The following FOXP1 variants were observed in gnomAD, a reference collection of about 807,000 sequenced individuals.
FOXP1 encodes forkhead box P1.
Under a neutral mutation model 98.2 loss-of-function variants are expected in FOXP1, and 15 were observed. That is an observed-to-expected ratio of 0.15 (90% CI 0.10 to 0.24). The LOEUF (loss-of-function observed/expected upper bound fraction) is 0.24, where lower values mean the gene tolerates loss of function less well. FOXP1 is among the 10% of genes least tolerant of loss of function. The pLI, the probability that FOXP1 is intolerant of heterozygous loss-of-function variation, is 1.00. For missense variants in FOXP1, 633 were observed against 848.5 expected, an observed-to-expected ratio of 0.75 and a Z score of 3.15; for synonymous variants, 371 against 314.5, an observed-to-expected ratio of 1.18 and a Z score of -1.90.
chr3:71,260,329 T>C (rs1179993977), intron 5 of FOXP1, among the ~76,000 whole-genome samples: 3 of 152,012 alleles, frequency 2.0e-5, no homozygotes, highest in Admixed American at 1.3e-4. Flanking sequence ...GGGGGAGAAA[T>C]GCAGAGATGA....
chr3:71,388,775 G>T (rs538494190), intron 3 of FOXP1, among the ~76,000 whole-genome samples: 1 of 151,968 alleles, frequency 6.6e-6, no homozygotes, highest in Admixed American at 6.5e-5. Context: ...TCTACAAGGC[G>T]GACAGATAAA....
At chr3:71,430,900 G>C (rs904703639) in intron 3 of FOXP1, among the ~76,000 whole-genome samples, 1 of 152,122 alleles carries the variant, frequency 6.6e-6, no homozygotes, top group Non-Finnish European at 1.5e-5. Flanking sequence ...ACTGACTTTA[G>C]AGCAACGCAG....
intron 6 of FOXP1, among the ~76,000 whole-genome samples, chr3:71,188,702 C>T (rs2062796670): frequency 6.6e-6 from 1 of 152,210 alleles, no homozygotes; most frequent in African/African-American, 2.4e-5. Context: ...CGTGAGCCAC[C>T]AGCTGCTTTG....
At chr3:70,994,351 A>G (rs2041065038) in intron 13 of FOXP1, among the ~76,000 whole-genome samples, 1 of 152,110 alleles carries the variant, frequency 6.6e-6, no homozygotes, top group South Asian at 2.1e-4. Flanking sequence ...CCAAGAAAGT[A>G]AACTGGGACA....
intron 2 of FOXP1, among the ~76,000 whole-genome samples, chr3:71,513,407 A>G (rs1180265170): frequency 1.3e-5 from 2 of 152,098 alleles, no homozygotes; most frequent in Non-Finnish European, 2.9e-5. Context: ...TCTGCCTTCA[A>G]AACAGATATA....
intron 7 of FOXP1, among the ~76,000 whole-genome samples, chr3:71,105,348 A>T (rs980696251): frequency 6.6e-6 from 1 of 152,142 alleles, no homozygotes; most frequent in Non-Finnish European, 1.5e-5. Context: ...ATCCAATTTG[A>T]AGTGATGACA....
intron 2 of FOXP1, among the ~76,000 whole-genome samples, chr3:71,554,183 AC>A (rs926840293): frequency 2.2e-4 from 33 of 152,122 alleles, no homozygotes; most frequent in African/African-American, 8.0e-4. Flanking sequence ...CCCTGTCTCC[AC>A]AAAAAGTTTT....
chr3:71,541,369 A>T (rs2044798181), intron 2 of FOXP1, among the ~76,000 whole-genome samples: 1 of 152,236 alleles, frequency 6.6e-6, no homozygotes, highest in African/African-American at 2.4e-5. Flanking sequence ...ATTTACTCTG[A>T]TAAAGTACAT....
chr3:71,090,903 G>A (rs2055742239), intron 7 of FOXP1, among the ~76,000 whole-genome samples: 2 of 152,114 alleles, frequency 1.3e-5, no homozygotes, highest in Admixed American at 6.5e-5. Flanking sequence ...TGCATAGGGG[G>A]TTGACAACTG....
At chr3:71,506,030 A>G (rs1364079538) in intron 2 of FOXP1, among the ~76,000 whole-genome samples, 1 of 152,246 alleles carries the variant, frequency 6.6e-6, no homozygotes, top group East Asian at 1.9e-4. Context: ...TAACATTTCA[A>G]GACAACAATA....
At chr3:71,064,734 T>G (rs1413649454) in intron 7 of FOXP1, 2 of 912,458 alleles carry the variant, frequency 2.2e-6, no homozygotes, top group Non-Finnish European at 2.6e-6. Flanking sequence ...CGGGCTCTCC[T>G]GCCTTCCCCA....
At chr3:71,483,506 T>G (rs910874843) in intron 3 of FOXP1, among the ~76,000 whole-genome samples, 13 of 152,242 alleles carry the variant, frequency 8.5e-5, no homozygotes, top group Middle Eastern at 3.4e-3. Flanking sequence ...GTGAGCTAGT[T>G]TTTACTCTTA....
At chr3:71,475,903 G>GAA (rs11329852) in intron 3 of FOXP1, among the ~76,000 whole-genome samples, 11 of 135,610 alleles carry the variant, frequency 8.1e-5, no homozygotes, top group South Asian at 4.9e-4. Context: ...CTCTTCAAGG[G>GAA]AAAAAAAAAA....
At position 71,047,209 on chromosome 3, in the gene FOXP1, C is replaced by T. The variant is rs916107579; in HGVS notation, c.511-114G>A. The T allele has an allele frequency of 1.4e-5, 17 of 1,203,172 alleles. No individual in the cohort carries two copies. In the Admixed American group the frequency reaches 2.8e-4, roughly 20 times the overall value. The allele number at this position is 1,203,172 out of a possible 1,614,324, so 74.5% of individuals were successfully genotyped here. A position where few individuals can be genotyped will look rare whatever the true frequency, so the allele number is the denominator to read the frequency against. ...AATGCTGAGAATGGTCACTGGAGCTCAGTGGAGGGCTCCGTGTCAAGGTTT... is the reference window on the plus strand; with the variant it reads ...AATGCTGAGAATGGTCACTGGAGCTTAGTGGAGGGCTCCGTGTCAAGGTTT... On this transcript the variant is annotated intron_variant, in intron 9 of 20. Coordinates refer to ENST00000649528, the MANE Select transcript of FOXP1 (RefSeq NM_001349338.3).
chr3:71,493,100 C>T (rs2091179871), intron 3 of FOXP1, among the ~76,000 whole-genome samples: 1 of 133,402 alleles, frequency 7.5e-6, no homozygotes, highest in Non-Finnish European at 1.8e-5. Context: ...TTCTTGGTGG[C>T]TCATGTTATC....
chr3:71,082,286 G>GAAAAA (rs75431341), intron 7 of FOXP1, among the ~76,000 whole-genome samples: 1 of 84,548 alleles, frequency 1.2e-5, no homozygotes, highest in Non-Finnish European at 2.6e-5. Flanking sequence ...TTAAAAAAAA[G>GAAAAA]AAAAAAAAAA....
At chr3:71,537,709 C>G (rs1470821212) in intron 2 of FOXP1, among the ~76,000 whole-genome samples, 1 of 152,214 alleles carries the variant, frequency 6.6e-6, no homozygotes, top group African/African-American at 2.4e-5. Context: ...AATAATACCT[C>G]CTCTAATGAA....
At chr3:71,139,580 C>T (rs1181092969) in intron 6 of FOXP1, among the ~76,000 whole-genome samples, 5 of 148,526 alleles carry the variant, frequency 3.4e-5, no homozygotes, top group African/African-American at 1.3e-4. Context: ...ACAGCTTGAC[C>T]GACTTTGAAC....
At chr3:71,045,688 A>G (rs2048927731) in intron 10 of FOXP1, among the ~76,000 whole-genome samples, 1 of 152,110 alleles carries the variant, frequency 6.6e-6, no homozygotes, top group East Asian at 1.9e-4. Context: ...TAAGAGGAAA[A>G]AGCCCTGGTC....
Sources: allele counts gnomAD v4.1 joint callset (sites outside exome capture counted in the v4.1 genomes callset), GRCh38; gene constraint gnomAD v4.1.1; transcripts MANE v1.5; gene names NCBI Gene and HGNC (gene_info 2026-07-23, HGNC 2026-07-21).